The following PPP4R2 variants were observed in gnomAD, a reference collection of about 807,000 sequenced individuals.
The protein encoded by PPP4R2 is protein phosphatase 4 regulatory subunit 2.
A neutral mutation model predicts 47.2 loss-of-function variants in PPP4R2; 13 were observed. The observed-to-expected ratio is 0.28, with a 90% CI of 0.18 to 0.44. The LOEUF is 0.44. PPP4R2 is among the 20% of genes least tolerant of loss of function. PPP4R2 has a pLI of 1.00. For missense variants in PPP4R2, 421 were observed against 491.2 expected, an observed-to-expected ratio of 0.86 and a Z score of 1.35; for synonymous variants, 151 against 163.3, an observed-to-expected ratio of 0.92 and a Z score of 0.57.
chr3:73,049,107 T>C (rs944394574), intron 3 of PPP4R2, among the ~76,000 whole-genome samples: 3 of 152,302 alleles, frequency 2.0e-5, no homozygotes, highest in Admixed American at 6.5e-5. Flanking sequence ...AAAAAAAACA[T>C]TTTAAAGGCA....
At chr3:73,056,735 A>G (rs1314987961) in intron 3 of PPP4R2, among the ~76,000 whole-genome samples, 1 of 152,234 alleles carries the variant, frequency 6.6e-6, no homozygotes, top group Non-Finnish European at 1.5e-5. Flanking sequence ...AATATTAAAC[A>G]ACACATAAAA....
intron 3 of PPP4R2, among the ~76,000 whole-genome samples, chr3:73,055,166 A>G (rs1702703668): frequency 6.6e-6 from 1 of 152,326 alleles, no homozygotes; most frequent in South Asian, 2.1e-4. Context: ...TCTTTGGACC[A>G]TGTGTGCCTT....
chr3:73,037,237 C>T lies in PPP4R2; in HGVS notation c.117-9949C>T, dbSNP rs572834315. On this transcript the variant is annotated intron_variant, in intron 2 of 8. Transcript: ENST00000356692. Reference sequence around the variant, plus strand: ...GAAAGTGATTCATGAGATTTTAATGCTAATGAGTATATTTTTTTAAATGAA... The same window carrying T: ...GAAAGTGATTCATGAGATTTTAATGTTAATGAGTATATTTTTTTAAATGAA... Among the ~76,000 whole-genome samples the T allele has an allele frequency of 3.3e-5, 5 of 152,176 alleles. No homozygotes were observed. In the East Asian group the frequency reaches 9.6e-4, roughly 29 times the overall value.
Position 73,031,555 on chromosome 3 carries a change from A to C in PPP4R2, c.117-15631A>C, listed in dbSNP as rs1575861542. On this transcript the variant is annotated intron_variant, in intron 2 of 8. Transcript: ENST00000356692. ...AAACTGTGTCTCAAAAAAGAAAAGAAAAAAAGAAAGAAATATTTCATTTAT... is the reference window on the plus strand; with the variant it reads ...AAACTGTGTCTCAAAAAAGAAAAGACAAAAAGAAAGAAATATTTCATTTAT... Among the ~76,000 whole-genome samples the C allele has an allele frequency of 8.6e-5, 3 of 34,714 alleles. No homozygotes were observed. The East Asian group carries it at 1.8e-3, about 21-fold the overall frequency. 22.8% of individuals were successfully genotyped at this position (34,714 alleles called of 152,430 possible). A position where few individuals can be genotyped will look rare whatever the true frequency, so the allele number is the denominator to read the frequency against.
At position 73,065,575 on chromosome 3, in the gene PPP4R2, T is replaced by C. The variant is rs767717386; in HGVS notation, c.1107T>C (p.Pro369=). 3.1e-6 allele frequency: 5 copies of C among 1,613,464 alleles called. No homozygotes were observed. The African/African-American group carries it at 6.7e-5, about 22-fold the overall frequency. ...CTGAAGGTAGTGAAAACGAAGGCCC[T>C]GTAAGTAGTAGTTCTTCTGACTGCC... ...LHSEGSENEG[P]VSSSSSDCRE... Residue 369 remains proline (P), a synonymous_variant, in exon 9 of 9, where the codon CCT becomes CCC. Coordinates refer to ENST00000356692, the MANE Select transcript of PPP4R2 (RefSeq NM_174907.4).
At chr3:73,001,412 A>C (rs1701453847) in intron 2 of PPP4R2, among the ~76,000 whole-genome samples, 1 of 151,982 alleles carries the variant, frequency 6.6e-6, no homozygotes, top group African/African-American at 2.4e-5. Flanking sequence ...AAAATATAAA[A>C]AATTAGCCTA....
chr3:73,013,867 T>A (rs1195284209), intron 2 of PPP4R2, among the ~76,000 whole-genome samples: 2 of 152,168 alleles, frequency 1.3e-5, no homozygotes, highest in South Asian at 2.1e-4. Flanking sequence ...TCTCAAACTC[T>A]TGATCCCAGT....
rs771648990 is a variant in PPP4R2 at position 73,065,757 on chromosome 3, AC to A, written c.*36del. 1.4e-6 allele frequency: 2 copies of A among 1,453,150 alleles called. No homozygotes were observed. Among genetic ancestry groups the A allele is most frequent in the Non-Finnish European group, 1.9e-6 (2 of 1,067,772 alleles). 90.0% of individuals were successfully genotyped at this position (1,453,150 alleles called of 1,614,324 possible). A position where few individuals can be genotyped will look rare whatever the true frequency, so the allele number is the denominator to read the frequency against. On this transcript the variant is annotated 3_prime_UTR_variant, in exon 9 of 9. Coordinates refer to ENST00000356692, the MANE Select transcript of PPP4R2 (RefSeq NM_174907.4). ...AACATTTAGATGCAGTATTTTACAT[AC>A]AGTTCTGGTTTTAACACTGTATAAA...
chr3:73,020,140 T>TAA (rs1483245540), intron 2 of PPP4R2, among the ~76,000 whole-genome samples: 4 of 152,206 alleles, frequency 2.6e-5, no homozygotes, highest in African/African-American at 9.7e-5. Flanking sequence ...CAGTCTAAGA[T>TAA]AAGTGTGCCA....
chr3:72,997,110 C>A, intron 1 of PPP4R2, 39 bp downstream of exon 1: 1 of 1,315,516 alleles, frequency 7.6e-7, no homozygotes, highest in South Asian at 2.1e-5. Flanking sequence ...CCCTCACCTT[C>A]TCCGGCTCGC....
intron 2 of PPP4R2, among the ~76,000 whole-genome samples, chr3:73,024,692 T>C: frequency 6.6e-6 from 1 of 152,194 alleles, no homozygotes; most frequent in East Asian, 1.9e-4. Flanking sequence ...CCCTTTGTTT[T>C]TTTCTTCACA....
At chr3:73,042,391 G>T (rs574062445) in intron 2 of PPP4R2, among the ~76,000 whole-genome samples, 1 of 120,688 alleles carries the variant, frequency 8.3e-6, no homozygotes. Flanking sequence ...TTGAGATGGA[G>T]TCTCGCTGTG....
intron 5 of PPP4R2, chr3:73,062,265 G>A (rs1325053295): frequency 6.2e-7 from 1 of 1,602,798 alleles, no homozygotes; most frequent in Non-Finnish European, 8.5e-7. Context: ...CAGCCCAGGA[G>A]ATGACGCAAT....
At chr3:73,002,634 CTTTT>C (rs1173734970) in intron 2 of PPP4R2, among the ~76,000 whole-genome samples, 20 of 41,162 alleles carry the variant, frequency 4.9e-4, no homozygotes, top group African/African-American at 2.0e-3. Context: ...CTTTTCTTTT[CTTTT>C]TTTTTTTTTT....
At chr3:73,012,069 G>T (rs768126303) in intron 2 of PPP4R2, among the ~76,000 whole-genome samples, 118 of 152,238 alleles carry the variant, frequency 7.8e-4, no homozygotes, top group Non-Finnish European at 1.4e-3. Flanking sequence ...TTATATGTGG[G>T]TGATTGGTTC....
At chr3:73,064,749 T>C in intron 7 of PPP4R2, 103 bp from the exon 8 acceptor site, 4 of 1,028,812 alleles carry the variant, frequency 3.9e-6, no homozygotes, top group Middle Eastern at 3.3e-4. Flanking sequence ...AATTTAACTT[T>C]GACACTGAAA....
At chr3:73,018,091 A>G (rs1701877291) in intron 2 of PPP4R2, among the ~76,000 whole-genome samples, 1 of 152,094 alleles carries the variant, frequency 6.6e-6, no homozygotes, top group African/African-American at 2.4e-5. Flanking sequence ...TGTTTCTTTG[A>G]TGTCCTTTGT....
intron 3 of PPP4R2, among the ~76,000 whole-genome samples, chr3:73,058,515 TA>T (rs952384228): frequency 1.3e-5 from 2 of 151,874 alleles, no homozygotes; most frequent in African/African-American, 2.4e-5. Flanking sequence ...GCTTTTTTTT[TA>T]AAAAAGAATT....
intron 2 of PPP4R2, among the ~76,000 whole-genome samples, chr3:73,010,678 C>T (rs920345934): frequency 1.3e-5 from 2 of 152,044 alleles, no homozygotes; most frequent in African/African-American, 4.8e-5. Context: ...CTTGCCTCAG[C>T]CTCCTAAGTA....
Sources: gnomAD v4.1 joint callset for allele counts (sites outside exome capture counted in the v4.1 genomes callset) on GRCh38, gnomAD v4.1.1 for gene constraint, MANE v1.5 for transcripts, NCBI Gene and HGNC (gene_info 2026-07-23, HGNC 2026-07-21) for gene names.